The following SFSWAP variants were observed in gnomAD, a reference collection of about 807,000 sequenced individuals.
SFSWAP encodes the protein splicing factor, suppressor of white-apricot homolog.
In SFSWAP, 17 loss-of-function variants were observed where a neutral mutation model predicts 100.7. The observed-to-expected ratio is 0.17, with a 90% confidence interval of 0.12 to 0.25. The LOEUF is 0.25. SFSWAP is among the 10% of genes least tolerant of loss of function. SFSWAP has a pLI of 1.00. For synonymous variants in SFSWAP, 504 were observed against 510.1 expected (o/e 0.99, Z 0.16); for missense variants, 1,005 against 1,262.6 (o/e 0.80, Z 3.09).
chr12:131,722,560 A>T (rs1260372016), intron 4 of SFSWAP, among the ~76,000 whole-genome samples: 1 of 152,188 alleles, frequency 6.6e-6, no homozygotes, highest in Non-Finnish European at 1.5e-5. Flanking sequence ...CTGTTGATGA[A>T]TAATAACATA....
intron 11 of SFSWAP, among the ~76,000 whole-genome samples, chr12:131,759,581 C>T (rs1433620318): frequency 2.0e-5 from 3 of 151,818 alleles, no homozygotes; most frequent in African/African-American, 4.8e-5. Flanking sequence ...GGGTGGATCA[C>T]GAGGTCAGGA....
chr12:131,768,552 G>A (rs1883308402), intron 13 of SFSWAP, among the ~76,000 whole-genome samples: 1 of 152,194 alleles, frequency 6.6e-6, no homozygotes. Flanking sequence ...CAGAGAAGAT[G>A]AGTTTGTGTG....
intron 13 of SFSWAP, among the ~76,000 whole-genome samples, chr12:131,772,912 AG>A (rs1883731740): frequency 6.6e-6 from 1 of 152,144 alleles, no homozygotes; most frequent in African/African-American, 2.4e-5. Flanking sequence ...GAAGCTGACA[AG>A]GGGGTACAGC....
At chr12:131,768,594 T>C (rs1260389437) in intron 13 of SFSWAP, among the ~76,000 whole-genome samples, 2 of 152,108 alleles carry the variant, frequency 1.3e-5, no homozygotes, top group African/African-American at 2.4e-5. Flanking sequence ...TGCCGCAGGG[T>C]GGGCTCCTGC....
rs1246782183 is a variant in SFSWAP, at chr12:131,714,064, A to G, written c.219-7A>G. 6 of 1,611,750 alleles carry G rather than the reference A, an allele frequency of 3.7e-6. 1 individual carries two copies. Among genetic ancestry groups the G allele is most frequent in the East Asian group, 4.5e-5 (2 of 44,870 alleles). Reference sequence around the variant, plus strand: ...TCCTTTTATTGACCAGCTTGTTCACATTACAGATATGATGGACGTGGTCAC... The same window carrying G: ...TCCTTTTATTGACCAGCTTGTTCACGTTACAGATATGATGGACGTGGTCAC... On this transcript the variant is annotated splice_region_variant and splice_polypyrimidine_tract_variant and intron_variant, in intron 1 of 17. Transcript: ENST00000261674. This position sits in a 1 kb window ranked among gnomAD's most constrained non-coding sequence, Gnocchi z 6.0.
chr12:131,720,530 T>A (rs1390073299), intron 4 of SFSWAP, among the ~76,000 whole-genome samples: 1 of 152,224 alleles, frequency 6.6e-6, no homozygotes, highest in Non-Finnish European at 1.5e-5. Context: ...TTTTCGTAAC[T>A]GGATTGCAAG....
At chr12:131,779,754 T>C (rs1363095191) in intron 14 of SFSWAP, among the ~76,000 whole-genome samples, 3 of 152,226 alleles carry the variant, frequency 2.0e-5, no homozygotes, top group Non-Finnish European at 4.4e-5. Flanking sequence ...CTAAAAACAA[T>C]ATGCTTGCTT....
intron 11 of SFSWAP, among the ~76,000 whole-genome samples, chr12:131,760,994 A>C (rs1424427256): frequency 1.1e-4 from 16 of 152,184 alleles, no homozygotes; most frequent in African/African-American, 3.6e-4. Context: ...ATCGCTTGAA[A>C]CTGGAAGGTG....
chr12:131,720,862 A>G (rs1878408175), intron 4 of SFSWAP, among the ~76,000 whole-genome samples: 3 of 152,174 alleles, frequency 2.0e-5, no homozygotes, highest in South Asian at 4.1e-4. Context: ...TTTGCCTAGT[A>G]TAATTACTAC....
At chr12:131,727,912 T>C (rs1176586768) in intron 6 of SFSWAP, among the ~76,000 whole-genome samples, 3 of 152,230 alleles carry the variant, frequency 2.0e-5, no homozygotes, top group African/African-American at 7.2e-5. Flanking sequence ...GGGTGACCTT[T>C]TGTGGGAATG....
At chr12:131,722,697 C>T (rs1344246855) in intron 4 of SFSWAP, among the ~76,000 whole-genome samples, 1 of 151,930 alleles carries the variant, frequency 6.6e-6, no homozygotes, top group East Asian at 1.9e-4. Flanking sequence ...TCTGTGATCC[C>T]AGCACTTTGG....
At chr12:131,748,401 C>T (rs925751832) in intron 7 of SFSWAP, among the ~76,000 whole-genome samples, 34 of 152,096 alleles carry the variant, frequency 2.2e-4, no homozygotes, top group African/African-American at 6.5e-4. Flanking sequence ...CTCAAGTGAT[C>T]CCCCGACCTT....
At chr12:131,787,566 T>C (rs1437356872) in intron 15 of SFSWAP, among the ~76,000 whole-genome samples, 25 of 152,052 alleles carry the variant, frequency 1.6e-4, no homozygotes, top group Admixed American at 1.6e-3. Context: ...CAGAGAAGGA[T>C]GGAGCATTGC....
intron 7 of SFSWAP, among the ~76,000 whole-genome samples, chr12:131,749,400 C>G (rs1409768437): frequency 6.6e-6 from 1 of 152,236 alleles, no homozygotes; most frequent in Non-Finnish European, 1.5e-5. Context: ...TTTGCCAGCC[C>G]AGACTTCAGT....
intron 7 of SFSWAP, among the ~76,000 whole-genome samples, chr12:131,737,236 G>A (rs557749882): frequency 1.1e-3 from 160 of 152,278 alleles, no homozygotes; most frequent in Middle Eastern, 3.4e-3. Flanking sequence ...AGGGCAGCAC[G>A]AGGCAGTCTG....
chr12:131,754,280 A>C, intron 8 of SFSWAP, 88 bp from the exon 9 acceptor site: 1 of 1,032,926 alleles, frequency 9.7e-7, no homozygotes, highest in Non-Finnish European at 1.4e-6. Context: ...CTCTCCGGGC[A>C]TCTGAGGCGG....
chr12:131,776,097 C>T lies in SFSWAP; in HGVS notation c.2143-1968C>T, dbSNP rs181584407. Among the ~76,000 whole-genome samples, 141 of 152,176 alleles carry T rather than the reference C, an allele frequency of 9.3e-4. 3 individuals are homozygous for T. The East Asian group carries it at 0.02, about 21-fold the overall frequency. ...ACCCCGGCAACAGAGCAAGACTCTGCCTCAAAACAAACAAAAATAATAAAA... is the reference window on the plus strand; with the variant it reads ...ACCCCGGCAACAGAGCAAGACTCTGTCTCAAAACAAACAAAAATAATAAAA... On this transcript the variant is annotated intron_variant, in intron 13 of 17. Coordinates refer to ENST00000261674, the MANE Select transcript of SFSWAP (RefSeq NM_004592.4).
chr12:131,713,970 A>C, intron 1 of SFSWAP, 101 bp from the exon 2 acceptor site: 3 of 674,898 alleles, frequency 4.4e-6, no homozygotes, highest in Non-Finnish European at 6.8e-6. Flanking sequence ...TTTAATCGGT[A>C]AGTATGTGTG....
chr12:131,787,863 A>AT (rs1034477905), intron 15 of SFSWAP, among the ~76,000 whole-genome samples: 7 of 152,038 alleles, frequency 4.6e-5, no homozygotes, highest in East Asian at 3.9e-4. Flanking sequence ...ACAAGATGTG[A>AT]TTTTTTTCTT....
Sources: gnomAD v4.1 joint callset for allele counts (sites outside exome capture counted in the v4.1 genomes callset) on GRCh38, gnomAD v4.1.1 for gene constraint, Gnocchi (gnomAD v3.1) non-coding constraint, MANE v1.5 for transcripts, NCBI Gene and HGNC (gene_info 2026-07-23, HGNC 2026-07-21) for gene names.